The following PALLD variants were observed in gnomAD, a reference collection of about 807,000 sequenced individuals.
The protein encoded by PALLD is palladin, cytoskeletal associated protein, also known as palladin.
Under a neutral mutation model 123.5 loss-of-function variants are expected in PALLD, and 61 were observed. That is an observed-to-expected ratio of 0.49 (90% CI 0.40 to 0.61). The LOEUF is 0.61. Ranked by LOEUF, PALLD falls within the 20% of genes least tolerant of loss-of-function variation. The pLI is 0.00. For missense variants in PALLD, 1,273 were observed against 1,377.0 expected (o/e 0.92, Z 1.20); for synonymous variants, 465 against 496.4 (o/e 0.94, Z 0.84).
intron 17 of PALLD, among the ~76,000 whole-genome samples, chr4:168,916,811 C>T (rs1187753092): frequency 6.7e-6 from 1 of 149,788 alleles, no homozygotes; most frequent in Non-Finnish European, 1.5e-5. Flanking sequence ...GCTGCGATTA[C>T]AGGCATGTGC....
intron 2 of PALLD, among the ~76,000 whole-genome samples, chr4:168,518,107 G>A (rs949905487): frequency 2.0e-5 from 3 of 152,030 alleles, no homozygotes; most frequent in Non-Finnish European, 2.9e-5. Flanking sequence ...CCTTCCAGCT[G>A]TTCAGGAAAA....
chr4:168,644,091 C>CTTTT (rs10719083), intron 2 of PALLD, among the ~76,000 whole-genome samples: 2 of 138,942 alleles, frequency 1.4e-5, no homozygotes, highest in African/African-American at 2.7e-5. Context: ...ATGTTGATAT[C>CTTTT]TTTTTTTTTT....
At chr4:168,597,777 A>G (rs536956467) in intron 2 of PALLD, among the ~76,000 whole-genome samples, 1 of 152,158 alleles carries the variant, frequency 6.6e-6, no homozygotes, top group South Asian at 2.1e-4. Flanking sequence ...CATTTATTTC[A>G]TATATGATCT....
Position 168,924,350 on chromosome 4 carries a change from G to A in PALLD, c.3154G>A (p.Gly1052Arg). The A allele has an allele frequency of 6.2e-7, 1 of 1,613,864 alleles. No individual in the cohort carries two copies. The highest frequency in any genetic ancestry group is 8.5e-7 in the Non-Finnish European group (1 of 1,179,856). Residue 1052 changes from glycine (G) to arginine (R), a missense_variant, in exon 19 of 22, where the codon GGA becomes AGA. Gly to Arg is a moderately radical substitution (Grantham distance 125). This residue lies in a region of PALLD where 329 missense variants were observed against 422.5 expected (regional missense o/e 0.78). Transcript: ENST00000505667. ...YPVRLECRVL[G>R]VPPPQIFWKK... ...AGTGCGGCTGGAATGTCGTGTATTG[G>A]GAGTGCCACCACCTCAGATATTTTG...
intron 2 of PALLD, among the ~76,000 whole-genome samples, chr4:168,572,107 G>A (rs1266060452): frequency 1.3e-5 from 2 of 152,030 alleles, no homozygotes; most frequent in South Asian, 4.2e-4. Context: ...GTAAGAAATC[G>A]ACTTCCTGTC....
chr4:168,514,247 C>T (rs1308291636), intron 2 of PALLD, among the ~76,000 whole-genome samples: 4 of 152,200 alleles, frequency 2.6e-5, no homozygotes, highest in African/African-American at 9.7e-5. Context: ...ACAAACTTCC[C>T]TGTATCTCTG....
At chr4:168,914,141 T>C in intron 16 of PALLD, 120 bp downstream of exon 16, 1 of 728,240 alleles carries the variant, frequency 1.4e-6, no homozygotes, top group Non-Finnish European at 2.5e-6. Flanking sequence ...AGAATAGGAA[T>C]GCAAACCTGA....
At chr4:168,705,029 C>A (rs1278386702) in intron 8 of PALLD, among the ~76,000 whole-genome samples, 1 of 151,500 alleles carries the variant, frequency 6.6e-6, no homozygotes, top group African/African-American at 2.4e-5. Flanking sequence ...TTCCTACTTA[C>A]ATCTTATATT....
At chr4:168,594,956 A>C (rs1771830314) in intron 2 of PALLD, among the ~76,000 whole-genome samples, 1 of 152,194 alleles carries the variant, frequency 6.6e-6, no homozygotes, top group Non-Finnish European at 1.5e-5. Flanking sequence ...AATTAACAGA[A>C]TCTTCTTACA....
chr4:168,892,400 C>G lies in PALLD; in HGVS notation c.2100+1343C>G, dbSNP rs138534110. ...TTTTCTGAGAATTTTAATTATCAAA[C>G]ATTGATAAGTAAAACTGTGAGAACA... On this transcript the variant is annotated intron_variant, in intron 11 of 21. Coordinates refer to ENST00000505667, the MANE Select transcript of PALLD (RefSeq NM_001166108.2). Among the ~76,000 whole-genome samples, 467 of 152,228 alleles carry G rather than the reference C, an allele frequency of 3.1e-3. 2 individuals are homozygous for G. Among genetic ancestry groups the G allele is most frequent in the African/African-American group, 0.01 (433 of 41,538 alleles).
chr4:168,545,215 CT>C (rs1355802865), intron 2 of PALLD, among the ~76,000 whole-genome samples: 1 of 152,038 alleles, frequency 6.6e-6, no homozygotes, highest in Non-Finnish European at 1.5e-5. Context: ...TGACTATTTC[CT>C]TTACTCTCTT....
intron 10 of PALLD, among the ~76,000 whole-genome samples, chr4:168,727,976 C>G (rs1786765330): frequency 6.6e-6 from 1 of 152,126 alleles, no homozygotes; most frequent in Non-Finnish European, 1.5e-5. Flanking sequence ...GTCCTTTTCC[C>G]CATTGCTTGT....
intron 2 of PALLD, among the ~76,000 whole-genome samples, chr4:168,566,923 G>A (rs1768448857): frequency 6.6e-6 from 1 of 152,144 alleles, no homozygotes; most frequent in South Asian, 2.1e-4. Context: ...AGTGAAGCCA[G>A]AGATACACCA....
chr4:168,695,362 A>T (rs764564943), intron 8 of PALLD, among the ~76,000 whole-genome samples: 2 of 152,236 alleles, frequency 1.3e-5, no homozygotes, highest in Non-Finnish European at 2.9e-5. Context: ...AAAGTAGGCC[A>T]TATGAAACTT....
chr4:168,605,846 A>G (rs139470154), intron 2 of PALLD, among the ~76,000 whole-genome samples: 193 of 152,384 alleles, frequency 1.3e-3, no homozygotes, highest in African/African-American at 4.2e-3. Context: ...TCTTGCCACC[A>G]GAAGAATTCA....
At chr4:168,570,565 T>C (rs1768874674) in intron 2 of PALLD, among the ~76,000 whole-genome samples, 1 of 152,184 alleles carries the variant, frequency 6.6e-6, no homozygotes, top group South Asian at 2.1e-4. Flanking sequence ...AATTGCCAAT[T>C]GCACTTTTCC....
intron 10 of PALLD, among the ~76,000 whole-genome samples, chr4:168,772,317 G>A (rs1325471322): frequency 1.3e-5 from 2 of 152,124 alleles, no homozygotes; most frequent in African/African-American, 2.4e-5. Context: ...AACGGCACTT[G>A]TTCTTTCACC....
intron 10 of PALLD, among the ~76,000 whole-genome samples, chr4:168,825,340 A>C (rs2098540685): frequency 6.6e-6 from 1 of 152,228 alleles, no homozygotes; most frequent in South Asian, 2.1e-4. Flanking sequence ...TGTTAAAGAT[A>C]TATACTGCAA....
chr4:168,535,526 T>C (rs1050297242), intron 2 of PALLD, among the ~76,000 whole-genome samples: 8 of 152,204 alleles, frequency 5.3e-5, no homozygotes, highest in Admixed American at 1.3e-4. Flanking sequence ...GGTTCTTATA[T>C]GGTGGTGGCT....
Sources: allele counts gnomAD v4.1 joint callset (sites outside exome capture counted in the v4.1 genomes callset), GRCh38; gene constraint gnomAD v4.1.1; regional missense constraint gnomAD v4.1.1; transcripts MANE v1.5; gene names NCBI Gene and HGNC (gene_info 2026-07-23, HGNC 2026-07-21).